The following ZNF468 variants were observed in gnomAD, a reference collection of about 807,000 sequenced individuals.
ZNF468 encodes the protein zinc finger protein 468, also known as zinc finger protein ZNF468.
ZNF468 carries 8 observed loss-of-function variants against 7.2 expected under a neutral mutation model. The ratio of observed to expected loss-of-function variants is 1.11; its 90% CI spans 0.65 to 2.01. The LOEUF (loss-of-function observed/expected upper bound fraction) is 2.01. Among genes scored for constraint, ZNF468 ranks in the 30% most tolerant of loss-of-function variants. ZNF468 has a pLI of 0.00. For missense variants in ZNF468, 608 were observed against 626.5 expected (o/e 0.97, Z 0.31); for synonymous variants, 218 against 214.4 (o/e 1.02, Z -0.15).
chr19:52,840,945 C>A lies in ZNF468; in HGVS notation c.1349G>T (p.Arg450Met). The A allele has an allele frequency of 6.2e-7, 1 of 1,613,620 alleles. No homozygotes were observed. The highest frequency in any genetic ancestry group is 1.7e-5 in the Admixed American group (1 of 59,976). Residue 450 changes from arginine to methionine, a missense_variant, in exon 4 of 4, where the codon AGG (arginine) becomes ATG (methionine). Coordinates refer to ENST00000595646, the MANE Select transcript of ZNF468 (RefSeq NM_001008801.2). The stretch of plus-strand genomic sequence containing the variant: ...CTGATGTTGTGCCAGGTGTGAATCC[C>A]TCTGGAAAGCCTTGTCACAAACCTT... ...KCKVCDKAFQ[R>M]DSHLAQHQRV...
chr19:52,850,441 G>A (rs2063377790), intron 2 of ZNF468, among the ~76,000 whole-genome samples: 1 of 152,092 alleles, frequency 6.6e-6, no homozygotes, highest in Non-Finnish European at 1.5e-5. Context: ...CAATGCAGAT[G>A]TCAAAAAGCA....
chr19:52,854,368 T>C, intron 1 of ZNF468, 23 bp from the exon 2 acceptor site: 1 of 1,595,992 alleles, frequency 6.3e-7, no homozygotes, highest in Non-Finnish European at 8.6e-7. Flanking sequence ...AATATGTTGT[T>C]TATCACTCAG....
chr19:52,854,039 G>A, intron 2 of ZNF468: 2 of 1,498,100 alleles, frequency 1.3e-6, no homozygotes, highest in Non-Finnish European at 1.8e-6. Flanking sequence ...CGGGGTGTGA[G>A]CCCTTCCCAG....
At chr19:52,853,537 A>C (rs1484702310) in intron 2 of ZNF468, among the ~76,000 whole-genome samples, 5 of 135,136 alleles carry the variant, frequency 3.7e-5, no homozygotes, top group Non-Finnish European at 8.1e-5. Context: ...AAAAATACAA[A>C]AAAATTAGCT....
rs1219508733 is a variant in ZNF468 at position 52,841,822 on chromosome 19, C to T, written c.472G>A (p.Gly158Arg). 87 of 1,613,924 alleles carry T rather than the reference C, an allele frequency of 5.4e-5. No homozygotes were observed. The highest frequency in any genetic ancestry group is 7.2e-5 in the Non-Finnish European group (85 of 1,180,000). The change falls in exon 4 of 4, where the codon GGG becomes AGG. Residue 158 changes from glycine to arginine, a missense_variant. By Grantham distance (125) the Gly-to-Arg change is moderately radical. Transcript: ENST00000595646. ...LPEPHIFQSE[G>R]KIGNQVEKSI... ...TTCTCAACTTGATTACCAATTTTCC[C>T]TTCAGACTGAAATATGTGCGGTTCA...
At chr19:52,842,843 A>G (rs76753534) in intron 3 of ZNF468, among the ~76,000 whole-genome samples, 15,404 of 107,238 alleles carry the variant, frequency 0.14, 2,147 homozygotes, top group South Asian at 0.29. Flanking sequence ...AAAAAAAAAG[A>G]CATGGCATGG....
At chr19:52,848,508 A>T (rs1368565683) in intron 3 of ZNF468, among the ~76,000 whole-genome samples, 2 of 152,182 alleles carry the variant, frequency 1.3e-5, no homozygotes, top group Admixed American at 6.5e-5. Context: ...AAAGCATAGG[A>T]GAAGCAAACA....
intron 3 of ZNF468, among the ~76,000 whole-genome samples, chr19:52,848,783 C>T (rs2063360093): frequency 6.6e-6 from 1 of 152,054 alleles, no homozygotes; most frequent in Non-Finnish European, 1.5e-5. Context: ...ACTCCTCACC[C>T]ATAGTGATCC....
rs539225979 is a variant in ZNF468 at position 52,853,962 on chromosome 19, C to T, written c.15+296G>A. ...AGCTGACAGTGCATCCAGATGTGGC[C>T]CCTGAACAATCCCTGCTGCCCAAGA... On this transcript the variant is annotated intron_variant, in intron 2 of 3. Coordinates refer to ENST00000595646, the MANE Select transcript of ZNF468 (RefSeq NM_001008801.2). The T allele has an allele frequency of 8.3e-6, 12 of 1,443,092 alleles. No homozygotes were observed. In the Admixed American group the frequency reaches 2.9e-4, roughly 35 times the overall value. The allele number at this position is 1,443,092 out of a possible 1,614,324, so 89.4% of individuals were successfully genotyped here. A position where few individuals can be genotyped will look rare whatever the true frequency, so the allele number is the denominator to read the frequency against.
chr19:52,852,970 T>G (rs2063402910), intron 2 of ZNF468, among the ~76,000 whole-genome samples: 1 of 151,724 alleles, frequency 6.6e-6, no homozygotes, highest in Admixed American at 6.6e-5. Context: ...TTCTCCTGCC[T>G]CAGCCTCCCA....
chr19:52,850,722 A>T (rs1257615247), intron 2 of ZNF468, among the ~76,000 whole-genome samples: 2 of 151,614 alleles, frequency 1.3e-5, no homozygotes, highest in South Asian at 2.1e-4. Flanking sequence ...ACACGGTGAA[A>T]CCCCATCTCT....
At chr19:52,842,490 T>C (rs1016033362) in intron 3 of ZNF468, among the ~76,000 whole-genome samples, 1 of 152,052 alleles carries the variant, frequency 6.6e-6, no homozygotes, top group African/African-American at 2.4e-5. Context: ...GAGAAAAATA[T>C]ATATTCTCCA....
At chr19:52,854,950 C>T (rs770506280) in intron 1 of ZNF468, among the ~76,000 whole-genome samples, 93 of 151,774 alleles carry the variant, frequency 6.1e-4, no homozygotes, top group African/African-American at 8.7e-4. Flanking sequence ...TGAACCTGCG[C>T]GACCCGAGAT....
At position 52,841,485 on chromosome 19, in the gene ZNF468, G is replaced by C. The variant is rs1274924558; in HGVS notation, c.809C>G (p.Pro270Arg). 4 of 1,614,130 alleles carry C rather than the reference G, an allele frequency of 2.5e-6. No individual in the cohort carries two copies. Among genetic ancestry groups the C allele is most frequent in the Non-Finnish European group, 2.5e-6 (3 of 1,180,016 alleles). ...CTTGCCACACTCATTACACTTGTAAGGTTTCTCACCAGTGTGACATCTACG... is the reference window on the plus strand; with the variant it reads ...CTTGCCACACTCATTACACTTGTAACGTTTCTCACCAGTGTGACATCTACG... ...CHRRCHTGEK[P>R]YKCNECGKTF... Residue 270 changes from proline to arginine, a missense_variant, in exon 4 of 4, where the codon CCT becomes CGT. Physicochemically the swap from Pro to Arg is moderately radical, Grantham distance 103 (BLOSUM62 -2). Transcript: ENST00000595646.
At chr19:52,855,718 T>A (rs1156323193) in intron 1 of ZNF468, among the ~76,000 whole-genome samples, 1 of 152,014 alleles carries the variant, frequency 6.6e-6, no homozygotes, top group East Asian at 1.9e-4. Flanking sequence ...GGGTACTGCA[T>A]CCCACTGAAA....
At position 52,839,618 on chromosome 19, in the gene ZNF468, G is replaced by T. The variant is rs59729078; in HGVS notation, c.*1107C>A. 3.0e-3 allele frequency: 1,675 copies of T among 549,762 alleles called. 32 individuals carry two copies. The highest frequency in any genetic ancestry group is 0.029 in the African/African-American group (1,512 of 52,432). The allele number at this position is 549,762 out of a possible 1,614,324, so 34.1% of individuals were successfully genotyped here. A position where few individuals can be genotyped will look rare whatever the true frequency, so the allele number is the denominator to read the frequency against. On this transcript the variant is annotated 3_prime_UTR_variant, in exon 4 of 4. Transcript: ENST00000595646. ...AGACCCTTCCACACTGATGACATTT[G>T]TAAGATTTCTGTCCAGCATGGATTC... is the stretch of plus-strand genomic sequence containing the variant.
chr19:52,844,185 G>C (rs185330010), intron 3 of ZNF468, among the ~76,000 whole-genome samples: 1 of 152,144 alleles, frequency 6.6e-6, no homozygotes, highest in Admixed American at 6.6e-5. Flanking sequence ...TATTCTCTAA[G>C]AGGATGTCCC....
Position 52,840,732 on chromosome 19 carries a change from T to C in ZNF468, c.1562A>G (p.Lys521Arg). The C allele has an allele frequency of 6.2e-7, 1 of 1,614,018 alleles. No homozygotes were observed. The highest frequency in any genetic ancestry group is 1.7e-5 in the Admixed American group (1 of 60,006). ...GCCACACTCATTACACTATTAAGGCTTCTCTCCACTATGAAGCCTATGATG... is the reference window on the plus strand; with the variant it reads ...GCCACACTCATTACACTATTAAGGCCTCTCTCCACTATGAAGCCTATGATG... Reference protein sequence around the residue: ...VYHHRLHSGEKP With the variant: ...VYHHRLHSGERP Residue 521 changes from lysine to arginine, a missense_variant, in exon 4 of 4, where the codon AAG (lysine) becomes AGG (arginine). Physicochemically the swap from Lys to Arg is conservative, Grantham distance 26 (BLOSUM62 2). Transcript: ENST00000595646.
At chr19:52,857,255 G>A (rs1423190918) in intron 1 of ZNF468, among the ~76,000 whole-genome samples, 6 of 152,136 alleles carry the variant, frequency 3.9e-5, no homozygotes, top group Non-Finnish European at 8.8e-5. Flanking sequence ...CGCACAGGGT[G>A]GGAATACACC....
Sources: allele counts gnomAD v4.1 joint callset (sites outside exome capture counted in the v4.1 genomes callset), GRCh38; gene constraint gnomAD v4.1.1; transcripts MANE v1.5; gene names NCBI Gene and HGNC (gene_info 2026-07-23, HGNC 2026-07-21).